The following AHCTF1 variants were observed in gnomAD, a reference collection of about 807,000 sequenced individuals.
AHCTF1 encodes protein ELYS.
A neutral mutation model predicts 248.4 loss-of-function variants in AHCTF1; 24 were observed. That is an observed-to-expected ratio of 0.10 (90% CI 0.07 to 0.14). The LOEUF is 0.14. Ranked by LOEUF, AHCTF1 falls within the 10% of genes least tolerant of loss-of-function variation. AHCTF1 has a pLI of 1.00. For missense variants in AHCTF1, 2,206 were observed against 2,636.2 expected, an observed-to-expected ratio of 0.84 and a Z score of 3.57; for synonymous variants, 786 against 929.8, an observed-to-expected ratio of 0.85 and a Z score of 2.81.
Position 246,902,461 on chromosome 1 carries a change from A to G in AHCTF1, c.1117+64T>C. The G allele has an allele frequency of 1.0e-5, 16 of 1,543,884 alleles. No homozygotes were observed. In the South Asian group the frequency reaches 1.9e-4, roughly 18 times the overall value. The stretch of plus-strand genomic sequence containing the variant: ...CTGCCAGGAGTATGAAATCTAGAAA[A>G]TAACACCTGTCATAAATTTTAAATC... On this transcript the variant is annotated intron_variant, in intron 8 of 35. Transcript: ENST00000648844.
At chr1:246,926,031 G>A (rs1666898075) in intron 1 of AHCTF1, among the ~76,000 whole-genome samples, 1 of 144,886 alleles carries the variant, frequency 6.9e-6, no homozygotes, top group African/African-American at 2.6e-5. Flanking sequence ...CTAGGCGACA[G>A]TGAGACCCTG....
At chr1:246,855,857 T>C (rs1004490803) in intron 30 of AHCTF1, 30 bp from the exon 31 acceptor site, 2 of 1,561,060 alleles carry the variant, frequency 1.3e-6, no homozygotes, top group Non-Finnish European at 1.8e-6. Context: ...TACCTTAGTG[T>C]GTAAGAAGAT....
rs913828716 is a variant in AHCTF1 at position 246,840,415 on chromosome 1, A to G, written c.*391T>C. On this transcript the variant is annotated 3_prime_UTR_variant, in exon 36 of 36. Coordinates refer to ENST00000648844, the MANE Select transcript of AHCTF1 (RefSeq NM_001323342.2). The stretch of plus-strand genomic sequence containing the variant: ...ATAGTAACTGTAAAAAGAAATATCA[A>G]TACTTCAATCATCCCCATTTTAAGA... 2 of 153,072 alleles carry G rather than the reference A, an allele frequency of 1.3e-5. No individual in the cohort carries two copies. Among genetic ancestry groups the G allele is most frequent in the African/African-American group, 4.8e-5 (2 of 41,492 alleles). The allele number at this position is 153,072 out of a possible 1,614,324, so 9.5% of individuals were successfully genotyped here.
chr1:246,910,149 A>C (rs1231071962), intron 4 of AHCTF1, among the ~76,000 whole-genome samples: 1 of 152,252 alleles, frequency 6.6e-6, no homozygotes, highest in Non-Finnish European at 1.5e-5. Context: ...TTTAATTTGC[A>C]GAAAATCGAA....
rs758931642 is a variant in AHCTF1, at chr1:246,850,109, T to C, written c.5897A>G (p.Asp1966Gly). ...ACGTTTTCTAGGTATGGCAGACATATCAAATTCTGCTTGAACAGTCAACTG... is the reference window on the plus strand; with the variant it reads ...ACGTTTTCTAGGTATGGCAGACATACCAAATTCTGCTTGAACAGTCAACTG... ...SSQLTVQAEF[D>G]MSAIPRKRGR... Residue 1966 changes from aspartate to glycine, a missense_variant, in exon 33 of 36, where the codon GAT becomes GGT. Around this residue, in one of 6 missense-constraint regions of AHCTF1, gnomAD observed 469 missense variants for 470.0 expected, o/e 1.00. Transcript: ENST00000648844. 5.6e-6 allele frequency: 9 copies of C among 1,613,968 alleles called. No homozygotes were observed. The highest frequency in any genetic ancestry group is 5.5e-5 in the South Asian group (5 of 91,078).
chr1:246,848,125 A>G (rs1660422285), intron 33 of AHCTF1, among the ~76,000 whole-genome samples: 1 of 152,172 alleles, frequency 6.6e-6, no homozygotes, highest in African/African-American at 2.4e-5. Context: ...GGAGAGGAGG[A>G]TCCCCTATAG....
rs542190722 is a variant in AHCTF1 at position 246,849,785 on chromosome 1, T to A, written c.6221A>T (p.His2074Leu). Residue 2074 changes from histidine to leucine, a missense_variant, in exon 33 of 36, where the codon CAT becomes CTT. By Grantham distance (99) the His-to-Leu change is moderately conservative (BLOSUM62 -3). Around this residue, in one of 6 missense-constraint regions of AHCTF1, gnomAD observed 469 missense variants for 470.0 expected, o/e 1.00. Coordinates refer to ENST00000648844, the MANE Select transcript of AHCTF1 (RefSeq NM_001323342.2). ...TTCTTCCTGCTCATTTGTTTCTTTATGTGTCATTTCATCTGTGCGTTCTTC... is the reference window on the plus strand; with the variant it reads ...TTCTTCCTGCTCATTTGTTTCTTTAAGTGTCATTTCATCTGTGCGTTCTTC... ...VSEERTDEMT[H>L]KETNEQEERL... 9.9e-6 allele frequency: 16 copies of A among 1,614,004 alleles called. No individual in the cohort carries two copies. The highest frequency in any genetic ancestry group is 1.4e-5 in the Non-Finnish European group (16 of 1,179,866).
rs936225774 is a variant in AHCTF1, at chr1:246,839,170, A to T, written c.*1636T>A. On this transcript the variant is annotated 3_prime_UTR_variant, in exon 36 of 36. Transcript: ENST00000648844. ...GTAAGTACATACATTCATTTAAAAT[A>T]TATGTAAAGTTCATTTAGAACAGGC... The T allele has an allele frequency of 6.6e-6, 1 of 152,256 alleles. No individual in the cohort carries two copies. Among genetic ancestry groups the T allele is most frequent in the African/African-American group, 2.4e-5 (1 of 41,470 alleles). The allele number at this position is 152,256 out of a possible 1,614,324, so 9.4% of individuals were successfully genotyped here.
intron 21 of AHCTF1, among the ~76,000 whole-genome samples, chr1:246,882,244 G>A (rs566867209): frequency 8.9e-4 from 126 of 142,012 alleles, no homozygotes; most frequent in African/African-American, 3.1e-3. Flanking sequence ...TGATCCACCC[G>A]CCTCAGCCTC....
Position 246,898,267 on chromosome 1 carries a change from G to T in AHCTF1, c.1564C>A (p.Leu522Ile), listed in dbSNP as rs1258343515. Residue 522 changes from leucine (L) to isoleucine (I), a missense_variant, in exon 12 of 36, where the codon CTT (leucine) becomes ATT (isoleucine). By Grantham distance (5) the Leu-to-Ile change is conservative. Around this residue, in one of 6 missense-constraint regions of AHCTF1, gnomAD observed 650 missense variants for 870.8 expected, o/e 0.75. Coordinates refer to ENST00000648844, the MANE Select transcript of AHCTF1 (RefSeq NM_001323342.2). ...CTTGGGGAAAGAAGGCCAGCTACAAGACATCGATTATAACCATCAGGAATG... is the reference window on the plus strand; with the variant it reads ...CTTGGGGAAAGAAGGCCAGCTACAATACATCGATTATAACCATCAGGAATG... ...ELIPDGYNRC[L>I]VAGLLSPRFV... 6.2e-7 allele frequency: 1 copy of T among 1,612,548 alleles called. No individual in the cohort carries two copies. Among genetic ancestry groups the T allele is most frequent in the Non-Finnish European group, 8.5e-7 (1 of 1,180,000 alleles).
intron 1 of AHCTF1, among the ~76,000 whole-genome samples, chr1:246,919,504 G>A (rs773553338): frequency 6.6e-6 from 1 of 151,878 alleles, no homozygotes; most frequent in Non-Finnish European, 1.5e-5. Flanking sequence ...ACAAGGTTAG[G>A]AGATCAACAC....
rs1277422263 is a variant in AHCTF1 at position 246,888,325 on chromosome 1, C to G, written c.2268+69G>C. On this transcript the variant is annotated intron_variant, in intron 18 of 35. Coordinates refer to ENST00000648844, the MANE Select transcript of AHCTF1 (RefSeq NM_001323342.2). ...TTTTCCCAAGTTTGTGCCAGACACA[C>G]AGCTAAGCATGTCTCCTCCCTCCCC... 2.5e-6 allele frequency: 4 copies of G among 1,612,028 alleles called. 1 individual carries two copies. In the African/African-American group the frequency reaches 5.3e-5, roughly 22 times the overall value.
intron 19 of AHCTF1, among the ~76,000 whole-genome samples, chr1:246,887,880 G>A (rs958547992): frequency 6.6e-6 from 1 of 152,146 alleles, no homozygotes; most frequent in African/African-American, 2.4e-5. Flanking sequence ...ACCACTTGGT[G>A]GTAGTATTTT....
chr1:246,919,502 A>T (rs1478086788), intron 1 of AHCTF1, among the ~76,000 whole-genome samples: 1 of 150,522 alleles, frequency 6.6e-6, no homozygotes, highest in Non-Finnish European at 1.5e-5. Context: ...TCACAAGGTT[A>T]GGAGATCAAC....
chr1:246,868,376 C>T (rs984531492), intron 24 of AHCTF1, among the ~76,000 whole-genome samples: 3 of 146,232 alleles, frequency 2.1e-5, no homozygotes, highest in East Asian at 1.9e-4. Flanking sequence ...CCGCCTTGGC[C>T]TCCCAAAGTG....
intron 26 of AHCTF1, among the ~76,000 whole-genome samples, chr1:246,866,071 T>A (rs572783870): frequency 5.4e-4 from 82 of 152,338 alleles, no homozygotes; most frequent in African/African-American, 1.9e-3. Flanking sequence ...GGATGTTATC[T>A]ATTCTGCCTT....
rs35982364 is a variant in AHCTF1 at position 246,926,046 on chromosome 1, T to TAAA, written c.-8+5529_-8+5531dup. ...CTAGGCGACAGTGAGACCCTGTCTT[T>TAAA]AAAAAAAAAAAAAAAAAAAAGGCCT... On this transcript the variant is annotated intron_variant, in intron 1 of 35. Coordinates refer to ENST00000648844, the MANE Select transcript of AHCTF1 (RefSeq NM_001323342.2). Among the ~76,000 whole-genome samples the TAAA allele has an allele frequency of 1.2e-3, 144 of 121,250 alleles. 1 individual carries two copies. The highest frequency in any genetic ancestry group is 1.3e-3 in the East Asian group (5 of 3,840). The allele number at this position is 121,250 out of a possible 152,430, so 79.5% of individuals were successfully genotyped here. A position where few individuals can be genotyped will look rare whatever the true frequency, so the allele number is the denominator to read the frequency against.
intron 25 of AHCTF1, 118 bp from the exon 26 acceptor site, chr1:246,867,469 C>T (rs1436785023): frequency 1.0e-6 from 1 of 995,268 alleles, no homozygotes; most frequent in Non-Finnish European, 1.5e-6. Context: ...GCATTGCTTA[C>T]AAATAATAAT....
In AHCTF1 at chr1:246,898,254, A is replaced by G; in HGVS notation, c.1577T>C (p.Leu526Pro). ...DGYNRCLVAG[L>P]LSPRFVDVQP... is the part of the protein sequence containing the mutation. ...AACATCAACAAATCTTGGGGAAAGA[A>G]GGCCAGCTACAAGACATCGATTATA... is the stretch of plus-strand genomic sequence containing the variant. Residue 526 changes from leucine (L) to proline (P), a missense_variant, in exon 12 of 36, where the codon CTT becomes CCT. Around this residue, in one of 6 missense-constraint regions of AHCTF1, gnomAD observed 650 missense variants for 870.8 expected, o/e 0.75. Transcript: ENST00000648844. 1 of 1,612,504 alleles carries G rather than the reference A, an allele frequency of 6.2e-7. No individual in the cohort carries two copies. The highest frequency in any genetic ancestry group is 8.5e-7 in the Non-Finnish European group (1 of 1,180,004).
Sources: gnomAD v4.1 joint callset for allele counts (sites outside exome capture counted in the v4.1 genomes callset) on GRCh38, gnomAD v4.1.1 for gene constraint, gnomAD v4.1.1 regional missense constraint, MANE v1.5 for transcripts, NCBI Gene and HGNC (gene_info 2026-07-23, HGNC 2026-07-21) for gene names.